The following ATP6V0D1 variants were observed in gnomAD, a reference collection of about 807,000 sequenced individuals.
ATP6V0D1 encodes ATPase H+ transporting V0 subunit d1, also known as V-type proton ATPase subunit d 1.
Under a neutral mutation model 39.0 loss-of-function variants are expected in ATP6V0D1, and 13 were observed. The observed-to-expected ratio is 0.33, with a 90% CI of 0.22 to 0.53. The LOEUF (loss-of-function observed/expected upper bound fraction) is 0.53. Among genes scored for constraint, ATP6V0D1 ranks in the 20% least tolerant of loss-of-function variants. ATP6V0D1 has a pLI of 0.94. For synonymous variants in ATP6V0D1, 191 were observed against 191.2 expected (o/e 1.00, Z 0.01); for missense variants, 272 against 470.9 (o/e 0.58, Z 3.91).
chr16:67,457,271 A>G (rs1435730460), intron 1 of ATP6V0D1: 1 of 278,656 alleles, frequency 3.6e-6, no homozygotes, highest in Admixed American at 4.4e-5. Context: ...CAGACAGAAC[A>G]TGAAACCTGT....
intron 1 of ATP6V0D1, among the ~76,000 whole-genome samples, chr16:67,473,059 A>G (rs2041386917): frequency 6.6e-6 from 1 of 152,098 alleles, no homozygotes; most frequent in Non-Finnish European, 1.5e-5. Context: ...CAATGCATCT[A>G]TCCAGACCTC....
rs1286728946 is a variant in ATP6V0D1, at chr16:67,439,143, T to G, written c.644A>C (p.Glu215Ala). The G allele has an allele frequency of 6.2e-7, 1 of 1,613,938 alleles. No homozygotes were observed. The highest frequency in any genetic ancestry group is 2.2e-5 in the East Asian group (1 of 44,868). Residue 215 changes from glutamate to alanine, a missense_variant, in exon 6 of 8, where the codon GAA becomes GCA. Coordinates refer to ENST00000290949, the MANE Select transcript of ATP6V0D1 (RefSeq NM_004691.5). ...GATGATGAAGGCGCGGCGGTCTGCT[T>G]CAAACTGTGGAGCCAGTGCACAGGT... Reference protein sequence around the residue: ...ADAMCPILEFEADRRAFIITI... With the variant: ...ADAMCPILEFAADRRAFIITI...
intron 1 of ATP6V0D1, among the ~76,000 whole-genome samples, chr16:67,469,288 A>G (rs1267975103): frequency 3.3e-5 from 5 of 152,216 alleles, no homozygotes; most frequent in Admixed American, 1.3e-4. Context: ...AGCCTAGGCA[A>G]CAAAGCAAGA....
chr16:67,467,224 T>C (rs1056645363), intron 1 of ATP6V0D1, among the ~76,000 whole-genome samples: 12 of 152,144 alleles, frequency 7.9e-5, no homozygotes, highest in African/African-American at 2.9e-4. Context: ...AGAGCTGTCA[T>C]GGCTGGGCAC....
Position 67,451,746 on chromosome 16 carries a change from C to T in ATP6V0D1, c.302+1798G>A, listed in dbSNP as rs542222547. 2.6e-5 allele frequency among the ~76,000 whole-genome samples: 4 copies of T among 152,342 alleles called. No individual in the cohort carries two copies. In the South Asian group the frequency reaches 8.3e-4, roughly 32 times the overall value. ...TGGAAGGGGTGGGAAGTGGCAGATTCGGACAGCCTTCCACAGGACAGCACT... is the reference window on the plus strand; with the variant it reads ...TGGAAGGGGTGGGAAGTGGCAGATTTGGACAGCCTTCCACAGGACAGCACT... On this transcript the variant is annotated intron_variant, in intron 2 of 7. Transcript: ENST00000290949.
intron 1 of ATP6V0D1, among the ~76,000 whole-genome samples, chr16:67,468,359 A>G (rs1210854892): frequency 6.6e-6 from 1 of 152,138 alleles, no homozygotes; most frequent in African/African-American, 2.4e-5. Context: ...AGGCCAAGGC[A>G]AGAAGATCAC....
chr16:67,448,707 A>G (rs1292564099), intron 2 of ATP6V0D1, among the ~76,000 whole-genome samples: 1 of 151,130 alleles, frequency 6.6e-6, no homozygotes, highest in Non-Finnish European at 1.5e-5. Context: ...GCTCCAACAG[A>G]GATAGTGAGC....
At chr16:67,460,929 A>G (rs2041284511) in intron 1 of ATP6V0D1, among the ~76,000 whole-genome samples, 1 of 152,204 alleles carries the variant, frequency 6.6e-6, no homozygotes, top group South Asian at 2.1e-4. Context: ...TCCTGTCTAC[A>G]AATTGGCCCT....
At chr16:67,452,647 G>A (rs2041194771) in intron 2 of ATP6V0D1, among the ~76,000 whole-genome samples, 1 of 152,220 alleles carries the variant, frequency 6.6e-6, no homozygotes. Context: ...TAGCCGCTGA[G>A]CATGCCTCTG....
intron 1 of ATP6V0D1, among the ~76,000 whole-genome samples, chr16:67,469,318 A>C (rs1434828189): frequency 6.6e-6 from 1 of 152,126 alleles, no homozygotes; most frequent in African/African-American, 2.4e-5. Flanking sequence ...AAAATAAATA[A>C]ATAAATAAAT....
intron 1 of ATP6V0D1, among the ~76,000 whole-genome samples, chr16:67,464,448 G>A (rs2041313532): frequency 6.6e-6 from 1 of 152,178 alleles, no homozygotes; most frequent in African/African-American, 2.4e-5. Context: ...GCTGGATAAC[G>A]GTACCTCCAG....
rs779154882 is a variant in ATP6V0D1 at position 67,453,567 on chromosome 16, G to A, written c.279C>T (p.Leu93=). 24 of 1,614,156 alleles carry A rather than the reference G, an allele frequency of 1.5e-5. No individual in the cohort carries two copies. In the Admixed American group the frequency reaches 1.7e-4, roughly 11 times the overall value. Residue 93 remains leucine, a synonymous_variant, in exon 2 of 8, where the codon CTC becomes CTT. Transcript: ENST00000290949. The surrounding 1 kb of genome is among the most constrained non-coding windows in gnomAD (Gnocchi z 4.1). ...ACGTAATGAAGTCTAGGAAGCTGGC[G>A]AGTGGCTCATAGGCATGGTTCCTCA... is the stretch of plus-strand genomic sequence containing the variant. The part of the protein sequence containing the change: ...RHMRNHAYEP[L]ASFLDFITYS...
chr16:67,447,561 C>T lies in ATP6V0D1; in HGVS notation c.303-2855G>A, dbSNP rs1331142794. 2.0e-5 allele frequency among the ~76,000 whole-genome samples: 3 copies of T among 152,162 alleles called. No homozygotes were observed. Among genetic ancestry groups the T allele is most frequent in the Non-Finnish European group, 4.4e-5 (3 of 68,020 alleles). On this transcript the variant is annotated intron_variant, in intron 2 of 7. Transcript: ENST00000290949. The surrounding 1 kb of genome is among the most constrained non-coding windows in gnomAD (Gnocchi z 4.1). ...GTCAGCATCTCCCTCCAGGGGAAGA[C>T]AGCTGGGGAGTGGAGGGCCGGCTGC...
At chr16:67,475,022 C>T (rs1373444663) in intron 1 of ATP6V0D1, among the ~76,000 whole-genome samples, 1 of 152,242 alleles carries the variant, frequency 6.6e-6, no homozygotes, top group Non-Finnish European at 1.5e-5. Flanking sequence ...GTCAAGCTGC[C>T]TTCACCGCCA....
intron 1 of ATP6V0D1, among the ~76,000 whole-genome samples, chr16:67,467,183 C>G (rs919239486): frequency 6.6e-6 from 1 of 152,182 alleles, no homozygotes; most frequent in Non-Finnish European, 1.5e-5. Context: ...TCCCCCACAC[C>G]CCCAAAGCCT....
At chr16:67,465,557 G>A (rs2041322263) in intron 1 of ATP6V0D1, among the ~76,000 whole-genome samples, 11 of 152,198 alleles carry the variant, frequency 7.2e-5, no homozygotes, top group Admixed American at 7.2e-4. Context: ...GAGCTCCCAA[G>A]ACCCATGGGT....
At chr16:67,451,264 G>A (rs1483926055) in intron 2 of ATP6V0D1, among the ~76,000 whole-genome samples, 1 of 152,236 alleles carries the variant, frequency 6.6e-6, no homozygotes, top group African/African-American at 2.4e-5. Flanking sequence ...TGCCAGCCGG[G>A]TGGGACCATG....
At chr16:67,451,355 G>A (rs2041178189) in intron 2 of ATP6V0D1, among the ~76,000 whole-genome samples, 1 of 152,168 alleles carries the variant, frequency 6.6e-6, no homozygotes, top group East Asian at 1.9e-4. Context: ...TGGGGAGGGC[G>A]GGAAATGAAG....
chr16:67,452,198 A>G (rs1331055236), intron 2 of ATP6V0D1: 1 of 1,530,872 alleles, frequency 6.5e-7, no homozygotes, highest in Non-Finnish European at 8.7e-7. Context: ...GAGACACCCC[A>G]TTACCAGCCT....
Sources: gnomAD v4.1 joint callset for allele counts (sites outside exome capture counted in the v4.1 genomes callset) on GRCh38, gnomAD v4.1.1 for gene constraint, Gnocchi (gnomAD v3.1) non-coding constraint, MANE v1.5 for transcripts, NCBI Gene and HGNC (gene_info 2026-07-23, HGNC 2026-07-21) for gene names.